The following CCL5 variants were observed in gnomAD, a reference collection of about 807,000 sequenced individuals.
CCL5 encodes C-C motif chemokine 5.
Under a neutral mutation model 9.0 loss-of-function variants are expected in CCL5, and 5 were observed. The observed-to-expected ratio is 0.55, with a 90% CI of 0.29 to 1.16. The LOEUF (loss-of-function observed/expected upper bound fraction) is 1.16, where lower values mean the gene tolerates loss of function less well. CCL5 is among the 50% of genes most tolerant of loss of function. CCL5 has a pLI of 0.08. For synonymous variants in CCL5, 66 were observed against 72.0 expected, an observed-to-expected ratio of 0.92 and a Z score of 0.42; for missense variants, 183 against 183.2, an observed-to-expected ratio of 1.00 and a Z score of 0.01.
chr17:35,879,630 C>T (rs1007727542), intron 1 of CCL5, among the ~76,000 whole-genome samples: 4 of 109,520 alleles, frequency 3.7e-5, no homozygotes, highest in African/African-American at 1.1e-4. Context: ...GCGAAGACTC[C>T]ATCTCAAAAA....
intron 3 of CCL5, among the ~76,000 whole-genome samples, chr17:35,872,953 G>A (rs762143979): frequency 1.7e-4 from 26 of 151,324 alleles, no homozygotes; most frequent in Non-Finnish European, 3.5e-4. Context: ...CAAGTGGCAC[G>A]ATCTCAGCTC....
intron 3 of CCL5, 106 bp from the exon 3 acceptor site, chr17:35,872,570 C>T (rs1039556077): frequency 3.5e-5 from 30 of 869,028 alleles, no homozygotes; most frequent in African/African-American, 1.0e-4. Flanking sequence ...ATGATGATAT[C>T]GGGGTAGGGC....
In CCL5 at chr17:35,872,241, C is replaced by T; in HGVS notation, c.*29G>A. On this transcript the variant is annotated 3_prime_UTR_variant, in exon 4 of 4. Transcript: ENST00000651122. ...TCCAGCCTGGGGAAGGTTTTTGTAACTGCTGCTGTGTGGTAGAATCTGGGC... is the reference window on the plus strand; with the variant it reads ...TCCAGCCTGGGGAAGGTTTTTGTAATTGCTGCTGTGTGGTAGAATCTGGGC... 2.7e-6 allele frequency: 4 copies of T among 1,463,998 alleles called. No homozygotes were observed. Among genetic ancestry groups the T allele is most frequent in the Non-Finnish European group, 3.6e-6 (4 of 1,099,898 alleles). 90.7% of individuals were successfully genotyped at this position (1,463,998 alleles called of 1,614,324 possible).
Position 35,878,650 on chromosome 17 carries a change from AAAGG to A in CCL5, c.77-15_77-12del. 1 of 1,577,038 alleles carries A rather than the reference AAAGG, an allele frequency of 6.3e-7. No individual in the cohort carries two copies. Among genetic ancestry groups the A allele is most frequent in the Non-Finnish European group, 8.7e-7 (1 of 1,148,368 alleles). On this transcript the variant is annotated splice_polypyrimidine_tract_variant and intron_variant, in intron 1 of 3. Coordinates refer to ENST00000651122, the MANE Select transcript of CCL5 (RefSeq NM_001278736.2). Reference sequence around the variant, plus strand: ...TGGTGTCCGAGGAATCTGGAAGAGGAAAGGAAGGAGGGAGACCCTTTTATTCATT... The same window carrying A: ...TGGTGTCCGAGGAATCTGGAAGAGGAAAGGAGGGAGACCCTTTTATTCATT...
chr17:35,877,628 G>A (rs767915819), intron 2 of CCL5, among the ~76,000 whole-genome samples: 1 of 152,160 alleles, frequency 6.6e-6, no homozygotes, highest in South Asian at 2.1e-4. Context: ...ATACTTGTCA[G>A]AGCTAAGTGT....
intron 3 of CCL5, among the ~76,000 whole-genome samples, chr17:35,872,749 A>G (rs950186307): frequency 6.6e-6 from 1 of 152,228 alleles, no homozygotes; most frequent in Non-Finnish European, 1.5e-5. Flanking sequence ...CTTGAAGCCC[A>G]GGGCTGAGCC....
At chr17:35,874,617 T>G (rs532194634) in intron 3 of CCL5, among the ~76,000 whole-genome samples, 1 of 152,294 alleles carries the variant, frequency 6.6e-6, no homozygotes, top group East Asian at 1.9e-4. Context: ...TTTATTTTAT[T>G]TTTTATTTTT....
chr17:35,877,732 AT>A (rs1287781890), intron 2 of CCL5, among the ~76,000 whole-genome samples: 1 of 152,234 alleles, frequency 6.6e-6, no homozygotes, highest in Non-Finnish European at 1.5e-5. Flanking sequence ...ACTAGCTTGC[AT>A]ATTTAAAGGT....
At position 35,872,274 on chromosome 17, in the gene CCL5, G is replaced by A. The variant is rs764848801; in HGVS notation, c.461C>T (p.Pro154Leu). 3 of 1,554,862 alleles carry A rather than the reference G, an allele frequency of 1.9e-6. No individual in the cohort carries two copies. The highest frequency in any genetic ancestry group is 1.7e-6 in the Non-Finnish European group (2 of 1,146,442). Reference sequence around the variant, plus strand: ...GTGTGGTAGAATCTGGGCCCTTCAAGGAGCGGGTGGGGTAGGATAGTGAGG... The same window carrying A: ...GTGTGGTAGAATCTGGGCCCTTCAAAGAGCGGGTGGGGTAGGATAGTGAGG... Residue 154 changes from proline to leucine, a missense_variant, in exon 4 of 4, where the codon CCT becomes CTT. Pro to Leu is a moderately conservative substitution (Grantham distance 98, BLOSUM62 -3). Coordinates refer to ENST00000651122, the MANE Select transcript of CCL5 (RefSeq NM_001278736.2).
intron 1 of CCL5, 80 bp downstream of exon 1, chr17:35,880,150 T>G: frequency 9.4e-7 from 1 of 1,062,628 alleles, no homozygotes; most frequent in Non-Finnish European, 1.5e-6. Context: ...GGGCAAGGTG[T>G]GGGACAGTCA....
rs2088370036 is a variant in CCL5 at position 35,871,926 on chromosome 17, T to A, written c.*344A>T. On this transcript the variant is annotated 3_prime_UTR_variant, in exon 4 of 4. Coordinates refer to ENST00000651122, the MANE Select transcript of CCL5 (RefSeq NM_001278736.2). ...CCGGCTAATTTTTGTATTTTTTTTT[T>A]TTTTTTTTTTTTTGAGACGGAGTCT... The A allele has an allele frequency of 7.0e-6, 1 of 142,440 alleles. No individual in the cohort carries two copies. Among genetic ancestry groups the A allele is most frequent in the African/African-American group, 2.6e-5 (1 of 38,206 alleles). 8.8% of individuals were successfully genotyped at this position (142,440 alleles called of 1,614,324 possible). A position where few individuals can be genotyped will look rare whatever the true frequency, so the allele number is the denominator to read the frequency against.
chr17:35,875,198 T>A (rs1277011198), intron 3 of CCL5, among the ~76,000 whole-genome samples: 1 of 152,246 alleles, frequency 6.6e-6, no homozygotes, highest in African/African-American at 2.4e-5. Context: ...TCTGTCAAAG[T>A]CATTAAGCTC....
chr17:35,872,604 T>A, intron 3 of CCL5, 140 bp from the exon 3 acceptor site: 4 of 688,286 alleles, frequency 5.8e-6, no homozygotes, highest in Non-Finnish European at 1.0e-5. Flanking sequence ...CATAAGATTT[T>A]ATTTGTGGCT....
At chr17:35,874,935 T>C (rs1158249296) in intron 3 of CCL5, among the ~76,000 whole-genome samples, 1 of 152,156 alleles carries the variant, frequency 6.6e-6, no homozygotes, top group Non-Finnish European at 1.5e-5. Context: ...TTAAATCTTA[T>C]TGACCCATGC....
In CCL5 at chr17:35,875,625, G is replaced by A. The variant is rs1317679637; in HGVS notation, c.206C>T (p.Pro69Leu). Residue 69 changes from proline (P) to leucine (L), a missense_variant, in exon 3 of 4, where the codon CCA becomes CTA. By Grantham distance (98) the Pro-to-Leu change is moderately conservative. Transcript: ENST00000651122. ...CCAGACTTGCTGTCCCTCTCTCTTT[G>A]GCATCCTTGACCTGTGGCTAGGAAG... is the stretch of plus-strand genomic sequence containing the variant. 2 of 984,932 alleles carry A rather than the reference G, an allele frequency of 2.0e-6. No individual in the cohort carries two copies. The highest frequency in any genetic ancestry group is 2.3e-4 in the East Asian group (2 of 8,830). The allele number at this position is 984,932 out of a possible 1,614,324, so 61.0% of individuals were successfully genotyped here. A position where few individuals can be genotyped will look rare whatever the true frequency, so the allele number is the denominator to read the frequency against.
At chr17:35,874,136 C>T (rs960895575) in intron 3 of CCL5, among the ~76,000 whole-genome samples, 7 of 152,164 alleles carry the variant, frequency 4.6e-5, no homozygotes, top group African/African-American at 1.7e-4. Context: ...TACCCTTTCC[C>T]ATTTTGGCTT....
intron 3 of CCL5, 128 bp from the exon 3 acceptor site, chr17:35,872,592 T>G (rs902782816): frequency 1.4e-6 from 1 of 728,990 alleles, no homozygotes. Context: ...TATTTGGAGC[T>G]CCATAAGATT....
chr17:35,873,038 C>T (rs924098052), intron 3 of CCL5, among the ~76,000 whole-genome samples: 1 of 151,848 alleles, frequency 6.6e-6, no homozygotes, highest in Admixed American at 6.6e-5. Context: ...TACTGGCGCC[C>T]GCCACCATGC....
At chr17:35,876,551 G>A (rs1055916182) in intron 2 of CCL5, among the ~76,000 whole-genome samples, 1 of 152,080 alleles carries the variant, frequency 6.6e-6, no homozygotes, top group East Asian at 1.9e-4. Context: ...TTCCACCTTT[G>A]AAGGTTTCAA....
Sources: allele counts gnomAD v4.1 joint callset (sites outside exome capture counted in the v4.1 genomes callset), GRCh38; gene constraint gnomAD v4.1.1; transcripts MANE v1.5; gene names NCBI Gene and HGNC (gene_info 2026-07-23, HGNC 2026-07-21).